PPL: variants seen among roughly 807,000 people sequenced by gnomAD.
PPL encodes periplakin, also known as 190 kDa paraneoplastic pemphigus antigen.
PPL carries 198 observed loss-of-function variants against 194.4 expected under a neutral mutation model. That is an observed-to-expected ratio of 1.02 (90% CI 0.91 to 1.15). The LOEUF (loss-of-function observed/expected upper bound fraction) is 1.15. Among genes scored for constraint, PPL ranks in the 50% most tolerant of loss-of-function variants. The pLI is 0.00. For missense variants in PPL, 2,885 were observed against 2,294.8 expected, an observed-to-expected ratio of 1.26 and a Z score of -5.25; for synonymous variants, 1,220 against 972.4, an observed-to-expected ratio of 1.25 and a Z score of -4.74.
intron 1 of PPL, among the ~76,000 whole-genome samples, chr16:4,921,057 C>T (rs1384002166): frequency 1.3e-5 from 2 of 152,216 alleles, no homozygotes; most frequent in Admixed American, 1.3e-4. Context: ...TTGCAAGCCT[C>T]TACGAGTCAC....
rs533901083 is a variant in PPL, at chr16:4,920,575, G to A, written c.63-9626C>T. On this transcript the variant is annotated intron_variant, in intron 1 of 21. Transcript: ENST00000345988. ...GTCTCTGGATTCAAGTGATTCTACT[G>A]CCTCAGCCTCCCGAGTAGCTGGGAT... is the stretch of plus-strand genomic sequence containing the variant. Among the ~76,000 whole-genome samples, 36 of 152,200 alleles carry A rather than the reference G, an allele frequency of 2.4e-4. No homozygotes were observed. The East Asian group carries it at 6.6e-3, about 28-fold the overall frequency.
intron 2 of PPL, among the ~76,000 whole-genome samples, chr16:4,906,040 C>G (rs1191072684): frequency 2.6e-5 from 4 of 152,038 alleles, no homozygotes; most frequent in African/African-American, 9.7e-5. Flanking sequence ...TCCAGGAGTT[C>G]AAGGCTGCAA....
chr16:4,884,701 C>G lies in PPL; in HGVS notation c.3954G>C (p.Glu1318Asp), dbSNP rs537414078. Residue 1318 changes from glutamate to aspartate, a missense_variant, in exon 22 of 22, where the codon GAG (glutamate) becomes GAC (aspartate). By Grantham distance (45) the Glu-to-Asp change is conservative (BLOSUM62 2). Transcript: ENST00000345988. This position sits in a 1 kb window ranked among gnomAD's most constrained non-coding sequence, Gnocchi z 5.7. ...VASLRAKLSE[E>D]QKKQVDLERE... ...TCTCCAGATCCACTTGTTTCTTCTG[C>G]TCCTCTGAGAGCTTTGCCCTCAGAG... 1 of 1,614,160 alleles carries G rather than the reference C, an allele frequency of 6.2e-7. No homozygotes were observed. The highest frequency in any genetic ancestry group is 1.7e-5 in the Admixed American group (1 of 60,012).
At chr16:4,928,400 A>G (rs1386346297) in intron 1 of PPL, among the ~76,000 whole-genome samples, 2 of 152,190 alleles carry the variant, frequency 1.3e-5, no homozygotes, top group East Asian at 3.9e-4. Context: ...ACACTTTGAG[A>G]GGGCTGGCAG....
rs1365292892 is a variant in PPL at position 4,882,787 on chromosome 16, C to CAATT, written c.*593_*596dup. ...GGTGCCGGGACAGTCTGGTGGCTGACAATTAACGTCCACTCCAGCACCGAG... is the reference window on the plus strand; with the variant it reads ...GGTGCCGGGACAGTCTGGTGGCTGACAATTAATTAACGTCCACTCCAGCACCGAG... On this transcript the variant is annotated 3_prime_UTR_variant, in exon 22 of 22. Transcript: ENST00000345988. 6.5e-6 allele frequency: 1 copy of CAATT among 153,354 alleles called. No individual in the cohort carries two copies. 9.5% of individuals were successfully genotyped at this position (153,354 alleles called of 1,614,324 possible).
chr16:4,884,144 CT>C lies in PPL; in HGVS notation c.4510del (p.Ser1504ValfsTer34). The C allele has an allele frequency of 6.2e-7, 1 of 1,613,778 alleles. No homozygotes were observed. Among genetic ancestry groups the C allele is most frequent in the Non-Finnish European group, 8.5e-7 (1 of 1,180,016 alleles). ...EVKEKVVLSE[S>X]VQVEKGDTEQ... ...GGTGTCGCCCTTCTCCACCTGGACACTCTCGGAGAGCACCACCTTCTCCTTG... is the reference window on the plus strand; with the variant it reads ...GGTGTCGCCCTTCTCCACCTGGACACCTCGGAGAGCACCACCTTCTCCTTG... On this transcript the variant is annotated frameshift_variant, in exon 22 of 22. Transcript: ENST00000345988. LOFTEE classifies it high-confidence loss of function. This position sits in a 1 kb window ranked among gnomAD's most constrained non-coding sequence, Gnocchi z 5.7.
In PPL at chr16:4,897,772, T is replaced by C. The variant is rs2088462815; in HGVS notation, c.877-2A>G. 1 of 1,612,998 alleles carries C rather than the reference T, an allele frequency of 6.2e-7. No individual in the cohort carries two copies. On this transcript the variant is annotated splice_acceptor_variant, in intron 8 of 21. Transcript: ENST00000345988. LOFTEE classifies it high-confidence loss of function. ...TGCGTGCACAGCCTCCATGTGCGCC[T>C]GCCAGGAAGAGAAGGGGCCGGTCAC...
chr16:4,897,621 C>A, intron 9 of PPL, 54 bp downstream of exon 9: 1 of 1,447,606 alleles, frequency 6.9e-7, no homozygotes, highest in South Asian at 1.2e-5. Flanking sequence ...GCACTGAGCG[C>A]TCTCAGAGAG....
chr16:4,890,208 C>T lies in PPL; in HGVS notation c.2289G>A (p.Met763Ile), dbSNP rs764588817. Residue 763 changes from methionine (M) to isoleucine (I), a missense_variant, in exon 18 of 22, where the codon ATG becomes ATA. Transcript: ENST00000345988. The stretch of plus-strand genomic sequence containing the variant: ...CCTTCTGGTTCTTCAGCTTGGTCTC[C>T]ATCTGGCTGAGGCTGTCTGTCTCCT... ...EPQETDSLSQ[M>I]ETKLKNQKNL... is the part of the protein sequence containing the mutation. 5 of 1,614,190 alleles carry T rather than the reference C, an allele frequency of 3.1e-6. No individual in the cohort carries two copies. The highest frequency in any genetic ancestry group is 2.2e-5 in the South Asian group (2 of 91,082).
chr16:4,929,206 C>T (rs1183807390), intron 1 of PPL, among the ~76,000 whole-genome samples: 1 of 151,918 alleles, frequency 6.6e-6, no homozygotes, highest in African/African-American at 2.4e-5. Context: ...CATACCTTTC[C>T]CAGTTCTGGT....
intron 1 of PPL, among the ~76,000 whole-genome samples, chr16:4,920,188 G>T (rs955598740): frequency 9.9e-5 from 15 of 151,784 alleles, no homozygotes; most frequent in Admixed American, 9.9e-4. Context: ...GGAGGCCGAG[G>T]CCGGGGAATT....
Position 4,891,813 on chromosome 16 carries a change from C to T in PPL, c.1966G>A (p.Ala656Thr). ...CAGGACTTGGGCCCTAGACTCACCG[C>T]CAGCTCCTGCCCCTTGCTGTCCAGG... ...RVLDSKGQELAAMACELQAQK... is the reference protein window; with the variant it reads ...RVLDSKGQELTAMACELQAQK... The change falls in exon 16 of 22, where the codon GCG (alanine) becomes ACG (threonine). Residue 656 changes from alanine (A) to threonine (T), a missense_variant and splice_region_variant. Physicochemically the swap from Ala to Thr is moderately conservative, Grantham distance 58. Transcript: ENST00000345988. 1 of 1,609,094 alleles carries T rather than the reference C, an allele frequency of 6.2e-7. No individual in the cohort carries two copies. Among genetic ancestry groups the T allele is most frequent in the Non-Finnish European group, 8.5e-7 (1 of 1,178,068 alleles).
At chr16:4,930,638 G>C (rs944457612) in intron 1 of PPL, among the ~76,000 whole-genome samples, 1 of 152,206 alleles carries the variant, frequency 6.6e-6, no homozygotes, top group Non-Finnish European at 1.5e-5. Flanking sequence ...GCTGAGATAA[G>C]AGCTACCAAG....
intron 1 of PPL, among the ~76,000 whole-genome samples, chr16:4,920,333 A>AAGAGAG (rs1162923677): frequency 1.2e-4 from 9 of 73,786 alleles, no homozygotes; most frequent in African/African-American, 2.3e-4. Context: ...GAAAGAAAGA[A>AAGAGAG]AGAGAGAGAG....
At position 4,917,879 on chromosome 16, in the gene PPL, G is replaced by C. The variant is rs2088956314; in HGVS notation, c.63-6930C>G. On this transcript the variant is annotated intron_variant, in intron 1 of 21. Coordinates refer to ENST00000345988, the MANE Select transcript of PPL (RefSeq NM_002705.5). ...ATTTCGCCACTGCATTCCAGCCTGG[G>C]CAATGAGAGTGAGACCCTGTCTCAA... 3.3e-5 allele frequency among the ~76,000 whole-genome samples: 5 copies of C among 151,990 alleles called. No individual in the cohort carries two copies. The South Asian group carries it at 1.0e-3, about 32-fold the overall frequency.
chr16:4,928,522 G>T (rs1413385900), intron 1 of PPL, among the ~76,000 whole-genome samples: 1 of 152,226 alleles, frequency 6.6e-6, no homozygotes, highest in African/African-American at 2.4e-5. Flanking sequence ...CAGGGCTGTG[G>T]GAGAAATAGA....
intron 1 of PPL, among the ~76,000 whole-genome samples, chr16:4,928,631 TG>T (rs1399046730): frequency 6.6e-6 from 1 of 152,236 alleles, no homozygotes; most frequent in Non-Finnish European, 1.5e-5. Context: ...GGCGATGGTT[TG>T]TTTCCCATCG....
In PPL at chr16:4,917,021, A is replaced by G. The variant is rs1340767846; in HGVS notation, c.63-6072T>C. ...GTGGTATGTGCCTGTAATCCCATCTATTCGGGAAGCTGAGACAAGAGAATC... is the reference window on the plus strand; with the variant it reads ...GTGGTATGTGCCTGTAATCCCATCTGTTCGGGAAGCTGAGACAAGAGAATC... On this transcript the variant is annotated intron_variant, in intron 1 of 21. Coordinates refer to ENST00000345988, the MANE Select transcript of PPL (RefSeq NM_002705.5). 2.0e-5 allele frequency among the ~76,000 whole-genome samples: 3 copies of G among 152,036 alleles called. No individual in the cohort carries two copies. In the East Asian group the frequency reaches 5.8e-4, roughly 29 times the overall value.
At chr16:4,927,644 C>G (rs2089176413) in intron 1 of PPL, among the ~76,000 whole-genome samples, 1 of 152,240 alleles carries the variant, frequency 6.6e-6, no homozygotes, top group Admixed American at 6.5e-5. Context: ...ACTAGAAACT[C>G]CTGTGCTAAT....
Sources: gnomAD v4.1 joint callset for allele counts (sites outside exome capture counted in the v4.1 genomes callset) on GRCh38, gnomAD v4.1.1 for gene constraint, Gnocchi (gnomAD v3.1) non-coding constraint, MANE v1.5 for transcripts, NCBI Gene and HGNC (gene_info 2026-07-23, HGNC 2026-07-21) for gene names.